The following ANKRD42 variants were observed in gnomAD, a reference collection of about 807,000 sequenced individuals.
The protein encoded by ANKRD42 is ankyrin repeat domain 42.
Under a neutral mutation model 51.5 loss-of-function variants are expected in ANKRD42, and 43 were observed. The ratio of observed to expected loss-of-function variants is 0.83; its 90% CI spans 0.65 to 1.08. The LOEUF (loss-of-function observed/expected upper bound fraction) is 1.08, where lower values mean the gene tolerates loss of function less well. Ranked by LOEUF, ANKRD42 falls within the 50% of genes least tolerant of loss-of-function variation. ANKRD42 has a pLI of 0.00. For synonymous variants in ANKRD42, 203 were observed against 213.0 expected (o/e 0.95, Z 0.41); for missense variants, 608 against 629.3 (o/e 0.97, Z 0.36).
rs1043231716 is a variant in ANKRD42 at position 83,206,586 on chromosome 11, G to A, written c.330+421G>A. Among the ~76,000 whole-genome samples the A allele has an allele frequency of 2.0e-5, 3 of 152,316 alleles. No individual in the cohort carries two copies. In the South Asian group the frequency reaches 6.2e-4, roughly 32 times the overall value. Reference sequence around the variant, plus strand: ...ATGGGATTAATGTCCTTTTGCAAGAGACCTCAGAGAGCTAGCTCTCTAGCC... The same window carrying A: ...ATGGGATTAATGTCCTTTTGCAAGAAACCTCAGAGAGCTAGCTCTCTAGCC... On this transcript the variant is annotated intron_variant, in intron 3 of 10. Transcript: ENST00000533342.
At chr11:83,216,445 C>T (rs1290242343) in intron 5 of ANKRD42, among the ~76,000 whole-genome samples, 2 of 152,054 alleles carry the variant, frequency 1.3e-5, no homozygotes, top group East Asian at 3.9e-4. Context: ...CTGCCTCAGC[C>T]TCCCGAGTAG....
chr11:83,250,563 G>A (rs1430000822), downstream of ANKRD42, among the ~76,000 whole-genome samples: 3 of 152,058 alleles, frequency 2.0e-5, no homozygotes, highest in Middle Eastern at 3.2e-3. Context: ...TACTTCTGTG[G>A]AAATGACTAT....
intron 9 of ANKRD42, 57 bp from the exon 10 acceptor site, chr11:83,245,441 G>C: frequency 6.6e-7 from 1 of 1,507,896 alleles, no homozygotes; most frequent in Admixed American, 2.1e-5. Context: ...CCAGCACCCA[G>C]TGGACACATG....
At chr11:83,218,766 C>T (rs115444817) in intron 5 of ANKRD42, among the ~76,000 whole-genome samples, 369 of 152,130 alleles carry the variant, frequency 2.4e-3, no homozygotes, top group African/African-American at 8.3e-3. Flanking sequence ...GCCCTCAGTA[C>T]GGAGGTAATT....
chr11:83,263,576 T>C (rs148157916), downstream of ANKRD42, among the ~76,000 whole-genome samples: 2 of 152,322 alleles, frequency 1.3e-5, no homozygotes, highest in African/African-American at 4.8e-5. Context: ...ATTATCTACA[T>C]AGATTAAATG....
At chr11:83,210,046 C>T in intron 3 of ANKRD42, 2 of 368,904 alleles carry the variant, frequency 5.4e-6, no homozygotes, top group Non-Finnish European at 4.9e-6. Context: ...GGAAACTTTC[C>T]ATTTTATTCA....
chr11:83,242,394 G>T (rs1863412716), intron 9 of ANKRD42, among the ~76,000 whole-genome samples: 2 of 151,190 alleles, frequency 1.3e-5, no homozygotes, highest in Non-Finnish European at 2.9e-5. Context: ...GTTGTTTATG[G>T]CTTGGACTGG....
At chr11:83,202,871 A>C (rs986222283) in intron 2 of ANKRD42, among the ~76,000 whole-genome samples, 25 of 152,170 alleles carry the variant, frequency 1.6e-4, no homozygotes, top group African/African-American at 6.0e-4. Flanking sequence ...TATAGGAGTC[A>C]CATCATAAGT....
At chr11:83,231,509 T>C (rs1049979905) in intron 7 of ANKRD42, among the ~76,000 whole-genome samples, 1 of 152,216 alleles carries the variant, frequency 6.6e-6, no homozygotes, top group African/African-American at 2.4e-5. Context: ...TTCTGTGGGT[T>C]GTCTCTTCAC....
Position 83,224,911 on chromosome 11 carries a change from A to G in ANKRD42, c.643A>G (p.Met215Val). Reference protein sequence around the residue: ...LHCFKFLVSRMSSATQVLKAF... With the variant: ...LHCFKFLVSRVSSATQVLKAF... The stretch of plus-strand genomic sequence containing the variant: ...CTGTTTCAAATTCCTAGTCAGTAGA[A>G]TGAGCAGTGCGACGCAAGTTTTAAA... Residue 215 changes from methionine (M) to valine (V), a missense_variant, in exon 6 of 11, where the codon ATG (methionine) becomes GTG (valine). By Grantham distance (21) the Met-to-Val change is conservative (BLOSUM62 1). Coordinates refer to ENST00000533342, the MANE Select transcript of ANKRD42 (RefSeq NM_001300975.2). 1 of 1,611,460 alleles carries G rather than the reference A, an allele frequency of 6.2e-7. No individual in the cohort carries two copies. The highest frequency in any genetic ancestry group is 8.5e-7 in the Non-Finnish European group (1 of 1,178,166).
At chr11:83,224,629 TA>T (rs1862816428) in intron 5 of ANKRD42, among the ~76,000 whole-genome samples, 1 of 152,042 alleles carries the variant, frequency 6.6e-6, no homozygotes, top group African/African-American at 2.4e-5. Flanking sequence ...ATTTAAAAAA[TA>T]AATTCTGCCA....
Position 83,248,037 on chromosome 11 carries a change from C to G in ANKRD42, c.1417C>G (p.Gln473Glu). 4.4e-6 allele frequency: 7 copies of G among 1,607,388 alleles called. No homozygotes were observed. The highest frequency in any genetic ancestry group is 6.0e-6 in the Non-Finnish European group (7 of 1,176,422). ...QLDEYRAEVD[Q>E]LRETLEKIQV... ...TGATGAATATCGAGCAGAAGTTGAT[C>G]AACTCAGGGAAACACTGGAAAAAAT... is the stretch of plus-strand genomic sequence containing the variant. The change falls in exon 11 of 11, where the codon CAA (glutamine) becomes GAA (glutamate). Residue 473 changes from glutamine (Q) to glutamate (E), a missense_variant. Gln to Glu is a conservative substitution (Grantham distance 29). Coordinates refer to ENST00000533342, the MANE Select transcript of ANKRD42 (RefSeq NM_001300975.2).
intron 2 of ANKRD42, 108 bp from the exon 3 acceptor site, chr11:83,205,950 A>G: frequency 1.2e-6 from 1 of 852,668 alleles, no homozygotes. Flanking sequence ...TTATACATGG[A>G]TCTCTCATTC....
rs113175865 is a variant in ANKRD42, at chr11:83,219,087, G to A, written c.587-5768G>A. Among the ~76,000 whole-genome samples the A allele has an allele frequency of 8.1e-3, 1,227 of 152,230 alleles. 17 individuals carry two copies. The highest frequency in any genetic ancestry group is 0.028 in the African/African-American group (1,168 of 41,522). On this transcript the variant is annotated intron_variant, in intron 5 of 10. Coordinates refer to ENST00000533342, the MANE Select transcript of ANKRD42 (RefSeq NM_001300975.2). The stretch of plus-strand genomic sequence containing the variant: ...GGGAGTGTCTGGTTTTCAAGGTGTG[G>A]TGCTCATCCGGAATTTTAAACAGAG...
chr11:83,196,749 G>T (rs879605066), intron 1 of ANKRD42, among the ~76,000 whole-genome samples: 1 of 152,208 alleles, frequency 6.6e-6, no homozygotes, highest in East Asian at 1.9e-4. Flanking sequence ...CTTACGTTGA[G>T]TAGATGGATG....
downstream of ANKRD42, among the ~76,000 whole-genome samples, chr11:83,256,319 A>G (rs1863773678): frequency 6.6e-6 from 1 of 151,784 alleles, no homozygotes. Context: ...CTTTCTAGAG[A>G]GTACCTTTCA....
chr11:83,224,712 A>G, intron 5 of ANKRD42, 143 bp from the exon 6 acceptor site: 1 of 540,092 alleles, frequency 1.9e-6, no homozygotes, highest in East Asian at 3.6e-5. Flanking sequence ...TGAGCCCAGG[A>G]GTTGGAGGCT....
downstream of ANKRD42, chr11:83,256,156 C>G (rs552131759): frequency 2.9e-5 from 9 of 305,748 alleles, 1 homozygote; most frequent in African/African-American, 1.7e-4. Flanking sequence ...TCTACACAGG[C>G]AAGTCAAGAG....
intron 8 of ANKRD42, among the ~76,000 whole-genome samples, chr11:83,237,095 C>T (rs1863246584): frequency 2.0e-5 from 3 of 152,190 alleles, no homozygotes; most frequent in African/African-American, 7.2e-5. Context: ...TTCCCGTATA[C>T]TTACCATGTT....
Sources: gnomAD v4.1 joint callset for allele counts (sites outside exome capture counted in the v4.1 genomes callset) on GRCh38, gnomAD v4.1.1 for gene constraint, MANE v1.5 for transcripts, NCBI Gene and HGNC (gene_info 2026-07-23, HGNC 2026-07-21) for gene names.